The following MLLT3 variants were observed in gnomAD, a reference collection of about 807,000 sequenced individuals.
The protein encoded by MLLT3 is MLLT3 super elongation complex subunit, also known as protein AF-9.
A neutral mutation model predicts 53.2 loss-of-function variants in MLLT3; 4 were observed. That is an observed-to-expected ratio of 0.08 (90% CI 0.04 to 0.17). The LOEUF is 0.17. Among genes scored for constraint, MLLT3 ranks in the 10% least tolerant of loss-of-function variants. The probability of loss-of-function intolerance (pLI) is 1.00; values close to 1 mark genes in which losing one functional copy is unlikely to be tolerated. For synonymous variants in MLLT3, 283 were observed against 230.6 expected, an observed-to-expected ratio of 1.23 and a Z score of -2.06; for missense variants, 569 against 684.0, an observed-to-expected ratio of 0.83 and a Z score of 1.87.
chr9:20,432,572 T>C (rs1366329336), intron 4 of MLLT3, among the ~76,000 whole-genome samples: 1 of 152,104 alleles, frequency 6.6e-6, no homozygotes, highest in Admixed American at 6.6e-5. Flanking sequence ...GTTAGCTCTA[T>C]GTGCGGCACA....
intron 4 of MLLT3, among the ~76,000 whole-genome samples, chr9:20,420,754 G>A (rs1822988731): frequency 6.6e-6 from 1 of 151,986 alleles, no homozygotes; most frequent in Non-Finnish European, 1.5e-5. Context: ...GCGCAGGTTT[G>A]TTACATATGT....
At position 20,341,939 on chromosome 9, in the gene MLLT3, A is replaced by G. The variant is rs1247292154; in HGVS notation, c.*4504T>C. Reference sequence around the variant, plus strand: ...CTTTGCAGAGTTTTAAAAATATTATATATATACTGGCTTTAGGACACAGAA... The same window carrying G: ...CTTTGCAGAGTTTTAAAAATATTATGTATATACTGGCTTTAGGACACAGAA... On this transcript the variant is annotated 3_prime_UTR_variant, in exon 11 of 11. Transcript: ENST00000380338. The G allele has an allele frequency of 5.0e-6, 1 of 200,560 alleles. No individual in the cohort carries two copies. Among genetic ancestry groups the G allele is most frequent in the Non-Finnish European group, 1.0e-5 (1 of 97,340 alleles). 12.4% of individuals were successfully genotyped at this position (200,560 alleles called of 1,614,324 possible).
chr9:20,436,295 C>T (rs1191654267), intron 4 of MLLT3, among the ~76,000 whole-genome samples: 1 of 152,122 alleles, frequency 6.6e-6, no homozygotes, highest in African/African-American at 2.4e-5. Context: ...GCAAACTTAA[C>T]CAATCCCCAC....
Position 20,560,131 on chromosome 9 carries a change from T to C in MLLT3, c.193+60523A>G, listed in dbSNP as rs1160980476. Among the ~76,000 whole-genome samples the C allele has an allele frequency of 2.6e-5, 4 of 152,316 alleles. No homozygotes were observed. The East Asian group carries it at 7.7e-4, about 29-fold the overall frequency. On this transcript the variant is annotated intron_variant, in intron 2 of 10. Coordinates refer to ENST00000380338, the MANE Select transcript of MLLT3 (RefSeq NM_004529.4). ...TGAAGTTGACATAGAAATTCATTAC[T>C]GTCTGCTTATTCCTGCTGAGGGTTC...
intron 2 of MLLT3, among the ~76,000 whole-genome samples, chr9:20,515,921 C>A (rs950087249): frequency 2.0e-5 from 3 of 152,192 alleles, no homozygotes; most frequent in African/African-American, 7.2e-5. Context: ...ATATTCCACA[C>A]CAGAGCAACA....
At chr9:20,593,198 A>T (rs184602797) in intron 2 of MLLT3, among the ~76,000 whole-genome samples, 32 of 152,334 alleles carry the variant, frequency 2.1e-4, no homozygotes, top group Admixed American at 1.8e-3. Context: ...AATGGCCATA[A>T]ACGTCTGACT....
intron 4 of MLLT3, among the ~76,000 whole-genome samples, chr9:20,442,181 T>A (rs1823572158): frequency 6.6e-6 from 1 of 152,212 alleles, no homozygotes; most frequent in Non-Finnish European, 1.5e-5. Context: ...ACAAATGAGA[T>A]GCCATTTTTC....
rs533805964 is a variant in MLLT3 at position 20,485,099 on chromosome 9, C to A, written c.194-28313G>T. 1.5e-4 allele frequency among the ~76,000 whole-genome samples: 23 copies of A among 152,034 alleles called. 1 individual carries two copies. In the South Asian group the frequency reaches 4.6e-3, roughly 30 times the overall value. On this transcript the variant is annotated intron_variant, in intron 2 of 10. Coordinates refer to ENST00000380338, the MANE Select transcript of MLLT3 (RefSeq NM_004529.4). ...CATCTCCCAGGTTCAAGCAATTCTC[C>A]TCCCTCAGCCTCCCCAGTAGCTGGG... is the stretch of plus-strand genomic sequence containing the variant.
At chr9:20,372,554 ATTTTTTTTT>A (rs34889625) in intron 5 of MLLT3, among the ~76,000 whole-genome samples, 25 of 82,228 alleles carry the variant, frequency 3.0e-4, no homozygotes, top group African/African-American at 9.8e-4. Context: ...CGCCCGGCTA[ATTTTTTTTT>A]TTTTTTTTTT....
chr9:20,430,549 G>A (rs1223695014), intron 4 of MLLT3, among the ~76,000 whole-genome samples: 3 of 152,004 alleles, frequency 2.0e-5, no homozygotes, highest in African/African-American at 7.2e-5. Flanking sequence ...TGCTGGAGCT[G>A]GTTTCCTATA....
rs955707806 is a variant in MLLT3 at position 20,409,359 on chromosome 9, A to C, written c.1125+4362T>G. Among the ~76,000 whole-genome samples, 3 of 152,326 alleles carry C rather than the reference A, an allele frequency of 2.0e-5. No homozygotes were observed. The East Asian group carries it at 5.8e-4, about 29-fold the overall frequency. ...CTCTATACACTTCTCTTCAGGAGCA[A>C]AATTATATGAAAAACAAAAACAGGA... is the stretch of plus-strand genomic sequence containing the variant. On this transcript the variant is annotated intron_variant, in intron 5 of 10. Transcript: ENST00000380338.
chr9:20,595,552 T>C (rs1034421701), intron 2 of MLLT3, among the ~76,000 whole-genome samples: 1 of 152,162 alleles, frequency 6.6e-6, no homozygotes, highest in Non-Finnish European at 1.5e-5. Context: ...GAATAGATCC[T>C]GTATCTATCA....
intron 2 of MLLT3, among the ~76,000 whole-genome samples, chr9:20,473,200 A>C (rs1824438078): frequency 6.6e-6 from 1 of 152,104 alleles, no homozygotes; most frequent in Non-Finnish European, 1.5e-5. Context: ...TTCTCTTTGC[A>C]AATCACTTTT....
intron 2 of MLLT3, among the ~76,000 whole-genome samples, chr9:20,599,513 T>A (rs559667368): frequency 6.7e-6 from 1 of 150,210 alleles, no homozygotes; most frequent in East Asian, 1.9e-4. Flanking sequence ...CCATTGTCCA[T>A]GGTAAACATA....
At chr9:20,365,828 C>T in intron 5 of MLLT3, 84 bp from the exon 6 acceptor site, 1 of 1,371,246 alleles carries the variant, frequency 7.3e-7, no homozygotes, top group Non-Finnish European at 1.0e-6. Context: ...GTTGCTCAAA[C>T]CATCCTCTGC....
chr9:20,401,620 G>T (rs532021050), intron 5 of MLLT3, among the ~76,000 whole-genome samples: 6 of 152,246 alleles, frequency 3.9e-5, no homozygotes, highest in African/African-American at 1.4e-4. Flanking sequence ...TCCAGTTCCA[G>T]GCAAGAAGCA....
chr9:20,355,776 T>C (rs1821157710), intron 8 of MLLT3, among the ~76,000 whole-genome samples: 1 of 152,244 alleles, frequency 6.6e-6, no homozygotes, highest in Admixed American at 6.5e-5. Context: ...TTGTTATAAC[T>C]GGAGACTAAT....
chr9:20,600,290 C>A (rs528100806), intron 2 of MLLT3, among the ~76,000 whole-genome samples: 4 of 152,172 alleles, frequency 2.6e-5, no homozygotes, highest in Non-Finnish European at 5.9e-5. Flanking sequence ...GGAAAACATG[C>A]CTGATGCCAG....
At chr9:20,539,350 C>T (rs917893332) in intron 2 of MLLT3, among the ~76,000 whole-genome samples, 3 of 152,186 alleles carry the variant, frequency 2.0e-5, no homozygotes, top group East Asian at 1.9e-4. Context: ...AAGAGTAGTA[C>T]ATTAGTCCAT....
Sources: gnomAD v4.1 joint callset for allele counts (sites outside exome capture counted in the v4.1 genomes callset) on GRCh38, gnomAD v4.1.1 for gene constraint, MANE v1.5 for transcripts, NCBI Gene and HGNC (gene_info 2026-07-23, HGNC 2026-07-21) for gene names.